Variants in CYB5R1 observed in about 807,000 individuals in gnomAD.
CYB5R1 encodes the protein NADH-cytochrome b5 reductase 1.
In CYB5R1, 32 loss-of-function variants were observed where a neutral mutation model predicts 37.4. The observed-to-expected ratio is 0.86, with a 90% CI of 0.65 to 1.15. CYB5R1 has a LOEUF of 1.15. Among genes scored for constraint, CYB5R1 ranks in the 50% most tolerant of loss-of-function variants. The probability of loss-of-function intolerance (pLI) is 0.00; values close to 1 mark genes in which losing one functional copy is unlikely to be tolerated. For missense variants in CYB5R1, 345 were observed against 382.5 expected (o/e 0.90, Z 0.82); for synonymous variants, 159 against 155.2 (o/e 1.02, Z -0.18).
chr1:202,962,336 C>A lies in CYB5R1; in HGVS notation c.*191G>T. Reference sequence around the variant, plus strand: ...CCACGGGGAGATTTAGGAGGCCATCCAAGGAGTGACTGAGCCTTGGCCCTC... The same window carrying A: ...CCACGGGGAGATTTAGGAGGCCATCAAAGGAGTGACTGAGCCTTGGCCCTC... On this transcript the variant is annotated 3_prime_UTR_variant, in exon 9 of 9. Coordinates refer to ENST00000367249, the MANE Select transcript of CYB5R1 (RefSeq NM_016243.3). 1 of 675,538 alleles carries A rather than the reference C, an allele frequency of 1.5e-6. No individual in the cohort carries two copies. The highest frequency in any genetic ancestry group is 2.9e-5 in the East Asian group (1 of 34,744). 41.8% of individuals were successfully genotyped at this position (675,538 alleles called of 1,614,324 possible).
chr1:202,966,018 TAA>T, intron 3 of CYB5R1, 25 bp from the exon 4 acceptor site: 1 of 1,482,772 alleles, frequency 6.7e-7, no homozygotes, highest in Non-Finnish European at 9.4e-7. Context: ...GAGAGCTACA[TAA>T]GGGTTGTCTG....
At position 202,966,586 on chromosome 1, in the gene CYB5R1, G is replaced by A. The variant is rs773042461; in HGVS notation, c.180C>T (p.Asn60=). 1.2e-6 allele frequency: 2 copies of A among 1,614,232 alleles called. No homozygotes were observed. The change falls in exon 3 of 9, where the codon AAC becomes AAT. Residue 60 remains asparagine (N), a synonymous_variant. Coordinates refer to ENST00000367249, the MANE Select transcript of CYB5R1 (RefSeq NM_016243.3). ...RLLDKTTVSH[N]TKRFRFALPT... is the part of the protein sequence containing the mutation. The stretch of plus-strand genomic sequence containing the variant: ...GCAGGGCAAAGCGGAACCTCTTGGT[G>A]TTGTGGCTCACAGTCTGGAGGGTGG...
chr1:202,964,480 T>G, intron 6 of CYB5R1, 132 bp downstream of exon 6: 1 of 795,136 alleles, frequency 1.3e-6, no homozygotes, highest in Non-Finnish European at 2.2e-6. Flanking sequence ...TACTAGGGAG[T>G]TCTAAGCATT....
At position 202,963,719 on chromosome 1, in the gene CYB5R1, G is replaced by A. The variant is rs770615752; in HGVS notation, c.568C>T (p.Pro190Ser). The A allele has an allele frequency of 3.1e-6, 5 of 1,606,550 alleles. No homozygotes were observed. In the Admixed American group the frequency reaches 6.7e-5, roughly 22 times the overall value. The change falls in exon 7 of 9, where the codon CCA becomes TCA. Residue 190 changes from proline to serine, a missense_variant. By Grantham distance (74) the Pro-to-Ser change is moderately conservative. Transcript: ENST00000367249. ...GMIAGGTGIT[P>S]MLQLIRAILK... ...ATGGCCCGGATCAGCTGTAGCATTG[G>A]GGTGATTCCTGCATGAAGATACCCC...
At chr1:202,963,828 C>T (rs1655039666) in intron 6 of CYB5R1, 101 bp from the exon 7 acceptor site, 1 of 617,348 alleles carries the variant, frequency 1.6e-6, no homozygotes, top group African/African-American at 1.9e-5. Flanking sequence ...TGCTCATTCA[C>T]CACTCCACTC....
Position 202,966,691 on chromosome 1 carries a change from C to A in CYB5R1, c.165+58G>T, listed in dbSNP as rs2232843. ...CCAACCACCGTGGGTGCTGTACCCT[C>A]CATGCCAGGAGCACTCTGGTCCCCT... On this transcript the variant is annotated intron_variant, in intron 2 of 8. Transcript: ENST00000367249. 0.036 allele frequency: 57,328 copies of A among 1,612,308 alleles called. 3,305 individuals are homozygous for A. The highest frequency in any genetic ancestry group is 0.26 in the East Asian group (11,815 of 44,832).
intron 5 of CYB5R1, chr1:202,964,936 A>G (rs1655057326): frequency 7.4e-6 from 4 of 540,136 alleles, no homozygotes; most frequent in Non-Finnish European, 1.3e-5. Context: ...TGCTTCTGGC[A>G]AAGTGTCACT....
rs200519288 is a variant in CYB5R1 at position 202,965,483 on chromosome 1, C to G, written c.363G>C (p.Val121=). 33 of 1,598,842 alleles carry G rather than the reference C, an allele frequency of 2.1e-5. No homozygotes were observed. Among genetic ancestry groups the G allele is most frequent in the Middle Eastern group, 1.7e-4 (1 of 6,010 alleles). The change falls in exon 5 of 9, where the codon GTG becomes GTC. Residue 121 remains valine, a synonymous_variant. Coordinates refer to ENST00000367249, the MANE Select transcript of CYB5R1 (RefSeq NM_016243.3). ...TCCCTCCCTCAGGAAATTTGGGGTGCACACCCTTCAGGTAGACCTTACAAG... is the reference window on the plus strand; with the variant it reads ...TCCCTCCCTCAGGAAATTTGGGGTGGACACCCTTCAGGTAGACCTTACAAG... ...DLVIKVYLKG[V]HPKFPEGGKM... is the part of the protein sequence containing the mutation.
intron 7 of CYB5R1, 150 bp from the exon 8 acceptor site, chr1:202,963,315 A>G (rs1655030223): frequency 4.9e-6 from 3 of 617,596 alleles, no homozygotes; most frequent in Non-Finnish European, 8.6e-6. Context: ...GCTTTTAGGG[A>G]GTTAGGATGA....
intron 5 of CYB5R1, chr1:202,964,946 T>G (rs1340222854): frequency 1.9e-6 from 1 of 529,826 alleles, no homozygotes; most frequent in African/African-American, 1.9e-5. Context: ...AAAGTGTCAC[T>G]CCCTGGTGAA....
chr1:202,964,526 G>T, intron 6 of CYB5R1, 86 bp downstream of exon 6: 2 of 1,014,040 alleles, frequency 2.0e-6, no homozygotes, highest in Non-Finnish European at 3.2e-6. Flanking sequence ...GCTTGGCTAT[G>T]GTTACCAGTC....
chr1:202,966,880 A>T lies in CYB5R1; in HGVS notation c.34T>A (p.Ser12Thr), dbSNP rs1476481198. The T allele has an allele frequency of 1.2e-6, 2 of 1,611,712 alleles. No homozygotes were observed. The highest frequency in any genetic ancestry group is 1.7e-6 in the Non-Finnish European group (2 of 1,179,058). The change falls in exon 2 of 9, where the codon TCC (serine) becomes ACC (threonine). Residue 12 changes from serine (S) to threonine (T), a missense_variant. Transcript: ENST00000367249. ...AGAGTGACCAGCCCCACCCCCAGGG[A>T]GGCCAGCAGGACGGGGCTCTGTGGG... is the stretch of plus-strand genomic sequence containing the variant. ...GIQTSPVLLA[S>T]LGVGLVTLLG...
At chr1:202,965,825 A>G (rs1655079451) in intron 4 of CYB5R1, 62 bp downstream of exon 4, 1 of 1,254,710 alleles carries the variant, frequency 8.0e-7, no homozygotes, top group African/African-American at 1.5e-5. Flanking sequence ...AAATCTTAGA[A>G]ATTTCTACAA....
Position 202,961,955 on chromosome 1 carries a change from G to A in CYB5R1, c.*572C>T, listed in dbSNP as rs1654995747. On this transcript the variant is annotated 3_prime_UTR_variant, in exon 9 of 9. Transcript: ENST00000367249. ...CACAAACAGCAGTTTTCGATTATCAGTAGCTGTTTCCCTCTAGCCTGGGCA... is the reference window on the plus strand; with the variant it reads ...CACAAACAGCAGTTTTCGATTATCAATAGCTGTTTCCCTCTAGCCTGGGCA... 2.0e-5 allele frequency: 3 copies of A among 152,236 alleles called. No homozygotes were observed. The South Asian group carries it at 6.2e-4, about 32-fold the overall frequency. The allele number at this position is 152,236 out of a possible 1,614,324, so 9.4% of individuals were successfully genotyped here.
rs148992048 is a variant in CYB5R1 at position 202,963,141 on chromosome 1, C to G, written c.670G>C (p.Glu224Gln). 164 of 1,613,952 alleles carry G rather than the reference C, an allele frequency of 1.0e-4. 1 individual carries two copies. The highest frequency in any genetic ancestry group is 1.3e-4 in the Non-Finnish European group (155 of 1,179,950). The change falls in exon 8 of 9, where the codon GAG becomes CAG. Residue 224 changes from glutamate to glutamine, a missense_variant. By Grantham distance (29) the Glu-to-Gln change is conservative (BLOSUM62 2). Coordinates refer to ENST00000367249, the MANE Select transcript of CYB5R1 (RefSeq NM_016243.3). Reference protein sequence around the residue: ...NQTEKDIILREDLEELQARYP... With the variant: ...NQTEKDIILRQDLEELQARYP... The stretch of plus-strand genomic sequence containing the variant: ...CGGGCCTGCAGTTCCTCTAAGTCCT[C>G]CCGCAAGATGATATCCTTTTCTGTC...
At chr1:202,964,552 A>T (rs1303834003) in intron 6 of CYB5R1, 60 bp downstream of exon 6, 2 of 1,305,166 alleles carry the variant, frequency 1.5e-6, no homozygotes, top group African/African-American at 2.9e-5. Context: ...AGGGTCACCT[A>T]GGAATTTGCA....
chr1:202,962,647 CA>C lies in CYB5R1; in HGVS notation c.797del (p.Leu266ArgfsTer93). 3.7e-6 allele frequency: 6 copies of C among 1,614,148 alleles called. No homozygotes were observed. Among genetic ancestry groups the C allele is most frequent in the Non-Finnish European group, 5.1e-6 (6 of 1,180,030 alleles). On this transcript the variant is annotated frameshift_variant, in exon 9 of 9. Transcript: ENST00000367249. LOFTEE classifies it high-confidence loss of function. ...CCAGCACATCATCCCCTGGAGCGGG[CA>C]GGTGTTCCCGGATCATGTCGGCAGT... Reference protein sequence around the residue: ...FVTADMIREHLPAPGDDVLVL... With the variant: ...FVTADMIREHXPAPGDDVLVL...
At position 202,966,522 on chromosome 1, in the gene CYB5R1, C is replaced by A. The variant is rs201331948; in HGVS notation, c.238+6G>T. On this transcript the variant is annotated splice_donor_region_variant and intron_variant, in intron 3 of 8. Coordinates refer to ENST00000367249, the MANE Select transcript of CYB5R1 (RefSeq NM_016243.3). ...GGGAAAGGAGCCCATTCCACACTTT[C>A]CTTACCCACAGGCAGCCCCAGAGTG... The A allele has an allele frequency of 5.5e-5, 88 of 1,614,136 alleles. 1 individual carries two copies. The Admixed American group carries it at 7.7e-4, about 14-fold the overall frequency.
rs989849089 is a variant in CYB5R1, at chr1:202,965,372, T to C, written c.474A>G (p.Lys158=). 6 of 1,584,954 alleles carry C rather than the reference T, an allele frequency of 3.8e-6. No individual in the cohort carries two copies. The highest frequency in any genetic ancestry group is 1.4e-5 in the African/African-American group (1 of 73,260). Residue 158 remains lysine, a splice_region_variant and synonymous_variant, in exon 5 of 9, where the codon AAA becomes AAG. Coordinates refer to ENST00000367249, the MANE Select transcript of CYB5R1 (RefSeq NM_016243.3). ...GPSGLLTYTG[K]GHFNIQPNKK... The stretch of plus-strand genomic sequence containing the variant: ...CTCAAGGAGAAGACAGGTCATTACC[T>C]TTTCCAGTGTAAGTGAGCAACCCGC...
Sources: allele counts gnomAD v4.1 joint callset, GRCh38; gene constraint gnomAD v4.1.1; transcripts MANE v1.5; gene names NCBI Gene and HGNC (gene_info 2026-07-23, HGNC 2026-07-21).